The following DCAF8L2 variants were observed in gnomAD, a reference collection of about 807,000 sequenced individuals.
DCAF8L2 encodes the protein DDB1 and CUL4 associated factor 8 like 2.
For synonymous variants in DCAF8L2, 200 were observed against 190.9 expected (o/e 1.05, Z -0.39); for missense variants, 430 against 490.7 (o/e 0.88, Z 1.17).
chrX:27,580,919 G>T, the DCAF8L2 span, among the ~76,000 whole-genome samples: 1 of 102,275 alleles, frequency 9.8e-6, no homozygotes. Flanking sequence ...AAATTTACTA[G>T]TAGTCACATT....
chrX:27,608,029 C>A (rs1926987158), intron 1 of DCAF8L2, among the ~76,000 whole-genome samples: 1 of 111,337 alleles, frequency 9.0e-6, no homozygotes, highest in Admixed American at 9.6e-5. Flanking sequence ...TGACATAGTT[C>A]TTTGCTTCTA....
intron 4 of DCAF8L2, among the ~76,000 whole-genome samples, chrX:27,734,544 T>TC (rs902565160): frequency 8.9e-6 from 1 of 111,848 alleles, no homozygotes; most frequent in African/African-American, 3.3e-5. Flanking sequence ...GAGCAGAAAT[T>TC]CCTTTCAGCG....
chrX:27,742,858 T>G (rs1362904029), intron 4 of DCAF8L2, among the ~76,000 whole-genome samples: 2 of 111,847 alleles, frequency 1.8e-5, no homozygotes, highest in Non-Finnish European at 3.8e-5. Context: ...GGGTTTTGTC[T>G]GATCTAAGTG....
At chrX:27,648,987 G>A (rs938601463) in intron 2 of DCAF8L2, among the ~76,000 whole-genome samples, 7 of 111,549 alleles carry the variant, frequency 6.3e-5, no homozygotes, top group Admixed American at 3.8e-4. Context: ...AACATCACCC[G>A]GAAATGTTTA....
At chrX:27,684,821 T>C (rs190660371) in intron 3 of DCAF8L2, among the ~76,000 whole-genome samples, 4 of 111,760 alleles carry the variant, frequency 3.6e-5, no homozygotes, top group Non-Finnish European at 7.5e-5. Context: ...TGCAGACTTG[T>C]TTTTAGCATT....
At chrX:27,744,694 CT>C (rs1389304262) in intron 4 of DCAF8L2, among the ~76,000 whole-genome samples, 6 of 111,759 alleles carry the variant, frequency 5.4e-5, no homozygotes, top group African/African-American at 1.6e-4. Context: ...GGGATAGATC[CT>C]TCATGAATGG....
intron 3 of DCAF8L2, among the ~76,000 whole-genome samples, chrX:27,705,617 T>C (rs1313058246): frequency 8.9e-6 from 1 of 111,780 alleles, no homozygotes; most frequent in Non-Finnish European, 1.9e-5. Context: ...TTTATGTCCT[T>C]TGCCCACTTT....
chrX:27,627,899 G>A (rs1928106987), intron 1 of DCAF8L2, among the ~76,000 whole-genome samples: 2 of 97,524 alleles, frequency 2.1e-5, no homozygotes, highest in South Asian at 9.5e-4. Flanking sequence ...TCTAAAACTA[G>A]TCTGGTGACA....
chrX:27,578,033 G>A, the DCAF8L2 span, among the ~76,000 whole-genome samples: 1 of 111,252 alleles, frequency 9.0e-6, no homozygotes, highest in Non-Finnish European at 1.9e-5. Flanking sequence ...ATTCTTTAGA[G>A]AATTACAAAA....
chrX:27,613,904 T>G (rs112275193), intron 1 of DCAF8L2, among the ~76,000 whole-genome samples: 8,910 of 111,398 alleles, frequency 0.08, 695 homozygotes, highest in African/African-American at 0.24. Flanking sequence ...GATATTGGGC[T>G]AAAATTCTCT....
At chrX:27,643,738 A>G (rs1021804796) in intron 2 of DCAF8L2, among the ~76,000 whole-genome samples, 18 of 111,722 alleles carry the variant, frequency 1.6e-4, no homozygotes, top group Non-Finnish European at 3.2e-4. Flanking sequence ...CTTCTTCCCA[A>G]TTAAACTATG....
At chrX:27,703,841 T>C (rs1433378190) in intron 3 of DCAF8L2, among the ~76,000 whole-genome samples, 1 of 110,291 alleles carries the variant, frequency 9.1e-6, no homozygotes, top group Non-Finnish European at 1.9e-5. Flanking sequence ...CAATGTTTTC[T>C]TAGATATGAC....
At chrX:27,581,152 T>C in the DCAF8L2 span, among the ~76,000 whole-genome samples, 5 of 112,006 alleles carry the variant, frequency 4.5e-5, no homozygotes, top group Non-Finnish European at 9.4e-5. Context: ...ATGGCAAACA[T>C]ATTGGGCAAC....
At chrX:27,693,482 G>A (rs1404109053) in intron 3 of DCAF8L2, among the ~76,000 whole-genome samples, 1 of 111,007 alleles carries the variant, frequency 9.0e-6, no homozygotes, top group African/African-American at 3.3e-5. Context: ...TTAGTTAAAT[G>A]GTTTAATTTT....
At chrX:27,699,004 G>C (rs1234227406) in intron 3 of DCAF8L2, among the ~76,000 whole-genome samples, 1 of 111,709 alleles carries the variant, frequency 9.0e-6, no homozygotes, top group Admixed American at 9.6e-5. Context: ...CTCAGGCTCT[G>C]GTCTGGGGAC....
the DCAF8L2 span, among the ~76,000 whole-genome samples, chrX:27,565,727 G>C: frequency 2.2e-3 from 244 of 111,663 alleles, no homozygotes; most frequent in African/African-American, 7.3e-3. Context: ...CGACCAAGGA[G>C]TGTGGACACC....
chrX:27,543,193 C>T, the DCAF8L2 span, among the ~76,000 whole-genome samples: 1 of 112,166 alleles, frequency 8.9e-6, no homozygotes, highest in African/African-American at 3.2e-5. Flanking sequence ...AAGTTTCAGT[C>T]TACATAAGGC....
the DCAF8L2 span, among the ~76,000 whole-genome samples, chrX:27,568,680 T>G: frequency 1.8e-5 from 2 of 109,658 alleles, no homozygotes; most frequent in African/African-American, 6.7e-5. Flanking sequence ...CTGACTCTTT[T>G]TTTTTTATAC....
intron 4 of DCAF8L2, among the ~76,000 whole-genome samples, chrX:27,730,734 AAACT>A (rs1225519892): frequency 9.0e-6 from 1 of 111,318 alleles, no homozygotes; most frequent in East Asian, 2.8e-4. Context: ...AAAAAAAAAA[AAACT>A]ACTAAAGTTT....
Sources: gnomAD v4.1 joint callset for allele counts (sites outside exome capture counted in the v4.1 genomes callset) on GRCh38, gnomAD v4.1.1 for gene constraint, MANE v1.5 for transcripts, NCBI Gene and HGNC (gene_info 2026-07-23, HGNC 2026-07-21) for gene names.